The following STRA6 variants were observed in gnomAD, a reference collection of about 807,000 sequenced individuals.
The protein encoded by STRA6 is receptor for retinol uptake STRA6.
Under a neutral mutation model 83.6 loss-of-function variants are expected in STRA6, and 48 were observed. The observed-to-expected ratio is 0.57, with a 90% CI of 0.46 to 0.73. The LOEUF (loss-of-function observed/expected upper bound fraction) is 0.73. Among genes scored for constraint, STRA6 ranks in the 30% least tolerant of loss-of-function variants. The pLI is 0.00. For missense variants in STRA6, 760 were observed against 838.8 expected (o/e 0.91, Z 1.16); for synonymous variants, 353 against 362.3 (o/e 0.97, Z 0.29).
At chr15:74,201,646 GGGTGCTTGTTTCCTCAGT>G (rs1167155842) in intron 2 of STRA6, among the ~76,000 whole-genome samples, 1 of 152,070 alleles carries the variant, frequency 6.6e-6, no homozygotes, top group Non-Finnish European at 1.5e-5. Flanking sequence ...AAGACAACAA[GGGTGCTTGTTTCCTCAGT>G]GACTTCTCAC....
rs536774072 is a variant in STRA6, at chr15:74,199,357, CAGG to C, written c.114-1542_114-1540del. Among the ~76,000 whole-genome samples the C allele has an allele frequency of 2.0e-3, 298 of 149,778 alleles. 2 individuals are homozygous for C. The highest frequency in any genetic ancestry group is 3.2e-3 in the Non-Finnish European group (212 of 66,674). ...AGTCAGCTCTGGGCAGCTTCTTGGC[CAGG>C]AGACCAGCCTCTTCCCAAAGTAGAA... On this transcript the variant is annotated intron_variant, in intron 2 of 18. Transcript: ENST00000395105.
intron 18 of STRA6, 146 bp from the exon 19 acceptor site, chr15:74,180,389 T>TG: frequency 9.7e-7 from 1 of 1,031,670 alleles, no homozygotes; most frequent in Non-Finnish European, 1.4e-6. Flanking sequence ...CACATGGAAG[T>TG]GGGGGGTGAG....
At chr15:74,185,126 GC>G in intron 12 of STRA6, 71 bp from the exon 13 acceptor site, 1 of 1,494,648 alleles carries the variant, frequency 6.7e-7, no homozygotes, top group Non-Finnish European at 9.3e-7. Flanking sequence ...CAGAACCCCT[GC>G]CAGGGTGGTG....
At chr15:74,191,136 T>A in intron 10 of STRA6, 31 bp downstream of exon 10, 1 of 1,612,074 alleles carries the variant, frequency 6.2e-7, no homozygotes, top group Non-Finnish European at 8.5e-7. Flanking sequence ...ACGTCCCCTG[T>A]CACGCTCGGC....
upstream of STRA6, chr15:74,202,921 C>T (rs2074151160): frequency 1.0e-6 from 1 of 990,074 alleles, no homozygotes. Flanking sequence ...GGGAGGAGGC[C>T]CCAGCACCAT....
At chr15:74,209,274 C>A, upstream of STRA6, 1 of 1,277,360 alleles carries the variant, frequency 7.8e-7, no homozygotes, top group Non-Finnish European at 1.1e-6. Flanking sequence ...CTCAGAGTCA[C>A]CTCAGTGGAG....
intron 8 of STRA6, chr15:74,191,766 C>T: frequency 1.8e-6 from 1 of 544,668 alleles, no homozygotes; most frequent in Non-Finnish European, 3.3e-6. Flanking sequence ...CAACTCTCGC[C>T]TGCTTTACTC....
Position 74,185,454 on chromosome 15 carries a change from G to A in STRA6, c.1091-399C>T, listed in dbSNP as rs183475072. Among the ~76,000 whole-genome samples the A allele has an allele frequency of 2.0e-3, 298 of 152,324 alleles. 1 individual carries two copies. Among genetic ancestry groups the A allele is most frequent in the African/African-American group, 6.6e-3 (275 of 41,570 alleles). On this transcript the variant is annotated intron_variant, in intron 12 of 18. Coordinates refer to ENST00000395105, the MANE Select transcript of STRA6 (RefSeq NM_022369.4). ...TTTGCTCGTGAACATACCGCACGCC[G>A]TTATGCTGCCCAGCTCTCAGGATAA...
chr15:74,180,175 C>G lies in STRA6; in HGVS notation c.1909G>C (p.Ala637Pro). The G allele has an allele frequency of 6.2e-7, 1 of 1,613,992 alleles. No individual in the cohort carries two copies. The highest frequency in any genetic ancestry group is 8.5e-7 in the Non-Finnish European group (1 of 1,180,002). ...GARPGASRGR[A>P]RWGLAYTLLH... ...AGCGTGTAGGCCAGACCCCAGCGAG[C>G]CCTGCCGCGGCTGGCCCCGGGCCTA... Residue 637 changes from alanine (A) to proline (P), a missense_variant, in exon 19 of 19, where the codon GCT becomes CCT. Ala to Pro is a conservative substitution (Grantham distance 27). Transcript: ENST00000395105.
intron 2 of STRA6, 36 bp from the exon 3 acceptor site, chr15:74,197,854 C>T (rs1448050768): frequency 6.2e-7 from 1 of 1,608,606 alleles, no homozygotes; most frequent in Non-Finnish European, 8.5e-7. Context: ...AGGCCTGCGT[C>T]AGGCCCCCCT....
chr15:74,207,726 T>C (rs1567203422), upstream of STRA6: 9 of 1,535,666 alleles, frequency 5.9e-6, no homozygotes, highest in Non-Finnish European at 7.8e-6. Context: ...TGAGAGTCCA[T>C]GAATAAGCAG....
rs1333132509 is a variant in STRA6 at position 74,197,399 on chromosome 15, T to A, written c.205A>T (p.Met69Leu). The change falls in exon 4 of 19, where the codon ATG becomes TTG. Residue 69 changes from methionine (M) to leucine (L), a missense_variant. Transcript: ENST00000395105. ...CAGAGCTGGCGGCGCCTCACCAGCA[T>A]GGCCAGGAGCAGCAGCACAAGGATC... ...LSILVLLLLA[M>L]LVRRRQLWPD... is the part of the protein sequence containing the mutation. 2 of 1,550,306 alleles carry A rather than the reference T, an allele frequency of 1.3e-6. No individual in the cohort carries two copies. The highest frequency in any genetic ancestry group is 3.9e-5 in the Admixed American group (2 of 50,976).
upstream of STRA6, chr15:74,209,548 C>T: frequency 9.6e-7 from 1 of 1,041,084 alleles, no homozygotes; most frequent in Non-Finnish European, 1.4e-6. Context: ...TGATCTATTC[C>T]CAGGGGAAGT....
chr15:74,182,337 A>G lies in STRA6; in HGVS notation c.1418+6T>C. 1 of 1,613,790 alleles carries G rather than the reference A, an allele frequency of 6.2e-7. No individual in the cohort carries two copies. The highest frequency in any genetic ancestry group is 8.5e-7 in the Non-Finnish European group (1 of 1,179,916). On this transcript the variant is annotated splice_donor_region_variant and intron_variant, in intron 15 of 18. Transcript: ENST00000395105. ...CCCTGAGCCCTCCATGTCTTGTTTCACTCACCACGAGGACTCCAGGGAACG... is the reference window on the plus strand; with the variant it reads ...CCCTGAGCCCTCCATGTCTTGTTTCGCTCACCACGAGGACTCCAGGGAACG...
chr15:74,194,955 C>T, intron 7 of STRA6: 2 of 1,430,122 alleles, frequency 1.4e-6, no homozygotes, highest in South Asian at 1.5e-5. Flanking sequence ...GCTTCACTCC[C>T]ATTCCCTCTC....
chr15:74,192,977 C>T (rs2073623325), intron 8 of STRA6, among the ~76,000 whole-genome samples: 1 of 152,216 alleles, frequency 6.6e-6, no homozygotes, highest in African/African-American at 2.4e-5. Context: ...AGCTCCAAGT[C>T]CACAGCACTG....
rs748743382 is a variant in STRA6 at position 74,182,412 on chromosome 15, G to T, written c.1349C>A (p.Ala450Asp). The T allele has an allele frequency of 1.4e-5, 23 of 1,612,770 alleles. No homozygotes were observed. The highest frequency in any genetic ancestry group is 1.8e-5 in the Non-Finnish European group (21 of 1,179,420). ...IIFFLGTTAL[A>D]FLVLMPVLHG... is the part of the protein sequence containing the mutation. ...GAGCACAGGCATGAGCACCAGGAAG[G>T]CCAGGGCCGTGGTTCCCAGGAAGAA... Residue 450 changes from alanine (A) to aspartate (D), a missense_variant, in exon 15 of 19, where the codon GCC becomes GAC. Ala to Asp is a moderately radical substitution (Grantham distance 126, BLOSUM62 -2). Transcript: ENST00000395105.
At position 74,196,129 on chromosome 15, in the gene STRA6, A is replaced by G; in HGVS notation, c.285T>C (p.Ala95=). Reference sequence around the variant, plus strand: ...CAGGCACTGCCCGGGGCCTGTCCCCAGCCAAGAAATCCACAGGGCTAGCAC... The same window carrying G: ...CAGGCACTGCCCGGGGCCTGTCCCCGGCCAAGAAATCCACAGGGCTAGCAC... ...PGLPSPVDFL[A]GDRPRAVPAA... The change falls in exon 5 of 19, where the codon GCT becomes GCC. Residue 95 remains alanine (A), a synonymous_variant. Transcript: ENST00000395105. The G allele has an allele frequency of 6.2e-7, 1 of 1,613,914 alleles. No individual in the cohort carries two copies. The highest frequency in any genetic ancestry group is 8.5e-7 in the Non-Finnish European group (1 of 1,180,006).
At chr15:74,192,786 T>C (rs1252461023) in intron 8 of STRA6, among the ~76,000 whole-genome samples, 2 of 152,212 alleles carry the variant, frequency 1.3e-5, no homozygotes, top group Admixed American at 1.3e-4. Flanking sequence ...CTTTCCCCTT[T>C]GAGGGTCTCT....
Sources: gnomAD v4.1 joint callset for allele counts (sites outside exome capture counted in the v4.1 genomes callset) on GRCh38, gnomAD v4.1.1 for gene constraint, MANE v1.5 for transcripts, NCBI Gene and HGNC (gene_info 2026-07-23, HGNC 2026-07-21) for gene names.